The following OFD1 variants were observed in gnomAD, a reference collection of about 807,000 sequenced individuals.
OFD1 encodes OFD1 centriole and centriolar satellite protein.
Under a neutral mutation model 81.4 loss-of-function variants are expected in OFD1, and 12 were observed. The ratio of observed to expected loss-of-function variants is 0.15; its 90% CI spans 0.09 to 0.24. The LOEUF (loss-of-function observed/expected upper bound fraction) is 0.24. Ranked by LOEUF, OFD1 falls within the 10% of genes least tolerant of loss-of-function variation. The pLI, the probability that OFD1 is intolerant of heterozygous loss-of-function variation, is 1.00. For synonymous variants in OFD1, 256 were observed against 263.7 expected (o/e 0.97, Z 0.28); for missense variants, 685 against 733.9 (o/e 0.93, Z 0.77).
At chrX:13,761,312 AT>A in intron 17 of OFD1, 101 bp downstream of exon 17, 1 of 877,058 alleles carries the variant, frequency 1.1e-6, no homozygotes. Flanking sequence ...TGAGATAATT[AT>A]TATAGATCAT....
chrX:13,769,228 G>A lies in OFD1; in HGVS notation c.*120G>A. On this transcript the variant is annotated 3_prime_UTR_variant, in exon 23 of 23. Transcript: ENST00000340096. ...AATAAAAATGTGTGTAATCCAATGT[G>A]GGTTTTTTTTTCCATAATTAATTTT... The A allele has an allele frequency of 1.6e-6, 1 of 607,576 alleles. No individual in the cohort carries two copies. The highest frequency in any genetic ancestry group is 2.7e-6 in the Non-Finnish European group (1 of 364,623). 50.1% of individuals were successfully genotyped at this position (607,576 alleles called of 1,213,427 possible). A position where few individuals can be genotyped will look rare whatever the true frequency, so the allele number is the denominator to read the frequency against.
At chrX:13,715,327 G>T in the OFD1 span, among the ~76,000 whole-genome samples, 1 of 112,162 alleles carries the variant, frequency 8.9e-6, no homozygotes, top group Non-Finnish European at 1.9e-5. Flanking sequence ...ACAAAAATTA[G>T]CTGGGTGTGG....
At chrX:13,746,258 T>A in intron 6 of OFD1, 61 bp from the exon 7 acceptor site, 3 of 1,068,514 alleles carry the variant, frequency 2.8e-6, no homozygotes, top group East Asian at 6.0e-5. Context: ...ACCAGAGGTC[T>A]GGCGTCTTAC....
chrX:13,769,859 C>T (rs1358026277), downstream of OFD1, among the ~76,000 whole-genome samples: 1 of 111,764 alleles, frequency 8.9e-6, no homozygotes, highest in African/African-American at 3.3e-5. Context: ...CTGCCAGTGC[C>T]TTCCTTGATC....
rs777400359 is a variant in OFD1 at position 13,760,658 on chromosome X, G to A, written c.2198G>A (p.Arg733His). 3.3e-6 allele frequency: 4 copies of A among 1,211,189 alleles called. No homozygotes were observed. Among genetic ancestry groups the A allele is most frequent in the Non-Finnish European group, 3.4e-6 (3 of 895,040 alleles). ...SRLRGGTSSR[R>H]LSSTPLPKAK... is the part of the protein sequence containing the mutation. ...CTCCGCGGGGGCACTTCCTCCAGAC[G>A]CCTCTCTTCCACACCCCTTCCAAAA... The change falls in exon 16 of 23, where the codon CGC (arginine) becomes CAC (histidine). Residue 733 changes from arginine to histidine, a missense_variant. Physicochemically the swap from Arg to His is conservative, Grantham distance 29. Around this residue, in one of 3 missense-constraint regions of OFD1, gnomAD observed 259 missense variants for 254.4 expected, o/e 1.02. Transcript: ENST00000340096.
At chrX:13,728,987 C>T in the OFD1 span, among the ~76,000 whole-genome samples, 8 of 111,836 alleles carry the variant, frequency 7.2e-5, no homozygotes, top group African/African-American at 2.6e-4. Flanking sequence ...TGGGTGAACT[C>T]CCATTCACAA....
chrX:13,767,721 C>G (rs990490684), intron 20 of OFD1, among the ~76,000 whole-genome samples: 4 of 111,960 alleles, frequency 3.6e-5, no homozygotes, highest in Non-Finnish European at 3.8e-5. Flanking sequence ...TTCTTGCCTT[C>G]TGTGTCCCAA....
Position 13,735,323 on chromosome X carries a change from C to T in OFD1, c.88C>T (p.Arg30Trp). 8.3e-7 allele frequency: 1 copy of T among 1,207,819 alleles called. No homozygotes were observed. The highest frequency in any genetic ancestry group is 1.1e-6 in the Non-Finnish European group (1 of 891,750). The change falls in exon 2 of 23, where the codon CGG becomes TGG. Residue 30 changes from arginine (R) to tryptophan (W), a missense_variant. Arg to Trp is a moderately radical substitution (Grantham distance 101). Coordinates refer to ENST00000340096, the MANE Select transcript of OFD1 (RefSeq NM_003611.3). ...RKKLYQTFKD[R>W]GILDTLKTQL... The stretch of plus-strand genomic sequence containing the variant: ...AAAGCTATACCAGACGTTTAAGGAT[C>T]GGGGTATACTGGATACACTCAAGGT...
At chrX:13,724,715 A>G in the OFD1 span, among the ~76,000 whole-genome samples, 14 of 112,442 alleles carry the variant, frequency 1.2e-4, no homozygotes, top group Middle Eastern at 9.1e-3. Flanking sequence ...TGCATTTCCA[A>G]CTGAGGTACC....
rs1307033258 is a variant in OFD1, at chrX:13,755,209, C to T, written c.1188C>T (p.Leu396=). 4.2e-6 allele frequency: 5 copies of T among 1,201,180 alleles called. No homozygotes were observed. The highest frequency in any genetic ancestry group is 5.6e-6 in the Non-Finnish European group (5 of 885,884). The change falls in exon 12 of 23, where the codon CTC becomes CTT. Residue 396 remains leucine, a synonymous_variant. Transcript: ENST00000340096. ...LIAINSKKEE[L]NQSVNRVKEL... The stretch of plus-strand genomic sequence containing the variant: ...CTATTAATTCAAAAAAGGAGGAACT[C>T]AATCAATCTGTAAATCGTGTGAAAG...
At chrX:13,752,207 G>A (rs1348694660) in intron 10 of OFD1, among the ~76,000 whole-genome samples, 1 of 112,222 alleles carries the variant, frequency 8.9e-6, no homozygotes, top group East Asian at 2.8e-4. Flanking sequence ...GACAACTATG[G>A]TAACTTTGGC....
chrX:13,767,709 T>C (rs2048185966), intron 20 of OFD1, among the ~76,000 whole-genome samples: 1 of 111,864 alleles, frequency 8.9e-6, no homozygotes, highest in Non-Finnish European at 1.9e-5. Flanking sequence ...CCTCTATTTC[T>C]CTTCTTGCCT....
intron 5 of OFD1, among the ~76,000 whole-genome samples, chrX:13,741,305 A>T (rs773387719): frequency 1.8e-5 from 2 of 112,069 alleles, no homozygotes; most frequent in South Asian, 3.7e-4. Context: ...CAAAATTTGG[A>T]TAGAACTCTT....
At chrX:13,721,448 C>T in the OFD1 span, 5 of 111,972 alleles carry the variant, frequency 4.5e-5, no homozygotes, top group African/African-American at 1.6e-4. Context: ...ACCGTATGCA[C>T]ACTGGGATGT....
the OFD1 span, among the ~76,000 whole-genome samples, chrX:13,723,593 C>T: frequency 3.6e-5 from 4 of 112,002 alleles, no homozygotes; most frequent in Non-Finnish European, 7.5e-5. Context: ...GAATTACCTG[C>T]GTTGACATGA....
the OFD1 span, among the ~76,000 whole-genome samples, chrX:13,719,070 T>C: frequency 4.5e-5 from 5 of 110,508 alleles, no homozygotes; most frequent in Non-Finnish European, 7.6e-5. Context: ...TACAGGAGAA[T>C]TGCTTGAACC....
intron 17 of OFD1, 57 bp downstream of exon 17, chrX:13,761,268 A>C (rs1231556038): frequency 8.8e-7 from 1 of 1,139,439 alleles, no homozygotes; most frequent in Non-Finnish European, 1.2e-6. Context: ...TTGCTCTGTC[A>C]GCCTTCACTT....
intron 17 of OFD1, among the ~76,000 whole-genome samples, chrX:13,761,459 C>T (rs1394276821): frequency 9.0e-6 from 1 of 111,254 alleles, no homozygotes; most frequent in African/African-American, 3.3e-5. Flanking sequence ...GATATATGGA[C>T]CATGCAATCT....
the OFD1 span, chrX:13,722,208 C>CAGAAAAAAAAAAAAAAA: frequency 2.8e-5 from 1 of 36,114 alleles, no homozygotes; most frequent in Non-Finnish European, 5.1e-5. Context: ...TAAGCAGCAG[C>CAGAAAAAAAAAAAAAAA]AAAAAAAAAA....
Sources: allele counts gnomAD v4.1 joint callset (sites outside exome capture counted in the v4.1 genomes callset), GRCh38; gene constraint gnomAD v4.1.1; regional missense constraint gnomAD v4.1.1; transcripts MANE v1.5; gene names NCBI Gene and HGNC (gene_info 2026-07-23, HGNC 2026-07-21).